Variants in XPO5 observed in about 807,000 individuals in gnomAD.
XPO5 encodes the protein exportin 5.
A neutral mutation model predicts 160.6 loss-of-function variants in XPO5; 46 were observed. That is an observed-to-expected ratio of 0.29 (90% CI 0.23 to 0.37). The LOEUF is 0.37. XPO5 is among the 10% of genes least tolerant of loss of function. The pLI is 1.00. For synonymous variants in XPO5, 537 were observed against 519.3 expected, an observed-to-expected ratio of 1.03 and a Z score of -0.46; for missense variants, 1,090 against 1,463.9, an observed-to-expected ratio of 0.74 and a Z score of 4.17.
intron 5 of XPO5, among the ~76,000 whole-genome samples, chr6:43,569,913 T>A (rs533924004): frequency 6.7e-6 from 1 of 149,346 alleles, no homozygotes; most frequent in Non-Finnish European, 1.5e-5. Context: ...CGAAACTCCA[T>A]CTCTACTAAA....
chr6:43,547,583 C>A, intron 19 of XPO5, 25 bp downstream of exon 19: 1 of 1,610,956 alleles, frequency 6.2e-7, no homozygotes, highest in Non-Finnish European at 8.5e-7. Flanking sequence ...GCCAATGCCA[C>A]TTCCCATTCC....
At position 43,572,537 on chromosome 6, in the gene XPO5, A is replaced by C; in HGVS notation, c.269T>G (p.Leu90Arg). The C allele has an allele frequency of 6.2e-7, 1 of 1,613,994 alleles. No homozygotes were observed. ...NGMSRLEKVY[L>R]KNSVMELIAN... is the part of the protein sequence containing the mutation. ...AATCAGCTCCATGACACTGTTCTTC[A>C]GATACACCTTCTCCAATCGAGACAT... The change falls in exon 3 of 32, where the codon CTG becomes CGG. Residue 90 changes from leucine (L) to arginine (R), a missense_variant. Leu to Arg is a moderately radical substitution (Grantham distance 102). This residue lies in a region of XPO5 where 170 missense variants were observed against 227.0 expected (regional missense o/e 0.75). Transcript: ENST00000265351.
Position 43,553,361 on chromosome 6 carries a change from A to G in XPO5, c.1572+12T>C, listed in dbSNP as rs1369273488. Reference sequence around the variant, plus strand: ...AATAATCATGCAGTCAGCATGGGAAATAATTACTTACTTCTCTATTTAGTG... The same window carrying G: ...AATAATCATGCAGTCAGCATGGGAAGTAATTACTTACTTCTCTATTTAGTG... On this transcript the variant is annotated intron_variant, in intron 14 of 31. Coordinates refer to ENST00000265351, the MANE Select transcript of XPO5 (RefSeq NM_020750.3). The G allele has an allele frequency of 6.2e-7, 1 of 1,603,870 alleles. No individual in the cohort carries two copies. Among genetic ancestry groups the G allele is most frequent in the Non-Finnish European group, 8.5e-7 (1 of 1,175,116 alleles).
intron 8 of XPO5, among the ~76,000 whole-genome samples, chr6:43,563,133 CT>C (rs1388023802): frequency 6.6e-6 from 1 of 150,994 alleles, no homozygotes; most frequent in Non-Finnish European, 1.5e-5. Flanking sequence ...AATATTTTTT[CT>C]TTTTTTTTGA....
intron 20 of XPO5, among the ~76,000 whole-genome samples, chr6:43,544,775 A>T (rs142155809): frequency 6.6e-6 from 1 of 152,286 alleles, no homozygotes; most frequent in East Asian, 1.9e-4. Context: ...GATAGAAATA[A>T]GCCTCTTCTT....
intron 20 of XPO5, among the ~76,000 whole-genome samples, chr6:43,538,368 C>T (rs1794483152): frequency 6.6e-6 from 1 of 151,814 alleles, no homozygotes. Flanking sequence ...CCAGGTTGGT[C>T]TCAAACTCTT....
In XPO5 at chr6:43,526,667, TCTCACAGG is replaced by T. The variant is rs1793613421; in HGVS notation, c.2983+10_2983+17del. ...GGAGGCTAAGAGCAGAACTCCAAGG[TCTCACAGG>T]CTCACTTACCGTCTCCATCTGCTGG... On this transcript the variant is annotated intron_variant, in intron 27 of 31. Transcript: ENST00000265351. The T allele has an allele frequency of 1.9e-6, 3 of 1,613,462 alleles. No individual in the cohort carries two copies. The highest frequency in any genetic ancestry group is 1.7e-5 in the Admixed American group (1 of 59,936).
Position 43,528,819 on chromosome 6 carries a change from A to C in XPO5, c.2775+9T>G, listed in dbSNP as rs765427694. The C allele has an allele frequency of 2.5e-6, 4 of 1,612,728 alleles. No individual in the cohort carries two copies. The highest frequency in any genetic ancestry group is 3.4e-6 in the Non-Finnish European group (4 of 1,179,072). ...ACTCTTTGCTTCCTGTTCCTGACTTATCTCTTACCATATGGAGGTAGGTGA... is the reference window on the plus strand; with the variant it reads ...ACTCTTTGCTTCCTGTTCCTGACTTCTCTCTTACCATATGGAGGTAGGTGA... On this transcript the variant is annotated intron_variant, in intron 24 of 31. Coordinates refer to ENST00000265351, the MANE Select transcript of XPO5 (RefSeq NM_020750.3).
At chr6:43,555,685 T>C in intron 13 of XPO5, 151 bp downstream of exon 13, 1 of 906,530 alleles carries the variant, frequency 1.1e-6, no homozygotes, top group Non-Finnish European at 1.5e-6. Context: ...TGTCAGCCAA[T>C]GAAAACGCTC....
intron 25 of XPO5, 79 bp from the exon 26 acceptor site, chr6:43,527,810 C>CT: frequency 6.8e-7 from 1 of 1,463,980 alleles, no homozygotes; most frequent in Non-Finnish European, 9.4e-7. Context: ...TAATCAGACT[C>CT]TCTCTGACCA....
At chr6:43,544,755 A>G (rs1457656688) in intron 20 of XPO5, among the ~76,000 whole-genome samples, 1 of 152,202 alleles carries the variant, frequency 6.6e-6, no homozygotes, top group Non-Finnish European at 1.5e-5. Flanking sequence ...TCTATTAATA[A>G]AAACATCACG....
intron 15 of XPO5, 53 bp from the exon 16 acceptor site, chr6:43,549,987 G>T (rs775960632): frequency 2.5e-6 from 4 of 1,578,510 alleles, no homozygotes; most frequent in Non-Finnish European, 3.5e-6. Context: ...TTAGAGATGA[G>T]ATCTTGCTAT....
Position 43,525,099 on chromosome 6 carries a change from A to C in XPO5, c.3174+8T>G, listed in dbSNP as rs1793484365. ...TGAGGGGCAGGGAAAAGGGGTGAATAACCATACTTGTTTGAGGAGAGGCCA... is the reference window on the plus strand; with the variant it reads ...TGAGGGGCAGGGAAAAGGGGTGAATCACCATACTTGTTTGAGGAGAGGCCA... On this transcript the variant is annotated splice_region_variant and intron_variant, in intron 29 of 31. Coordinates refer to ENST00000265351, the MANE Select transcript of XPO5 (RefSeq NM_020750.3). The C allele has an allele frequency of 6.4e-7, 1 of 1,570,846 alleles. No individual in the cohort carries two copies. Among genetic ancestry groups the C allele is most frequent in the Admixed American group, 1.9e-5 (1 of 52,734 alleles).
Position 43,565,745 on chromosome 6 carries a change from A to G in XPO5, c.835-9T>C. ...CGGTCTTCCAACTTGCCCTAGACCCAATTTTAGGGAAACATAGTCATATAA... is the reference window on the plus strand; with the variant it reads ...CGGTCTTCCAACTTGCCCTAGACCCGATTTTAGGGAAACATAGTCATATAA... On this transcript the variant is annotated splice_polypyrimidine_tract_variant and intron_variant, in intron 7 of 31. Coordinates refer to ENST00000265351, the MANE Select transcript of XPO5 (RefSeq NM_020750.3). 2 of 1,593,114 alleles carry G rather than the reference A, an allele frequency of 1.3e-6. No individual in the cohort carries two copies. The highest frequency in any genetic ancestry group is 1.7e-6 in the Non-Finnish European group (2 of 1,170,386).
In XPO5 at chr6:43,562,349, G is replaced by A. The variant is rs764481153; in HGVS notation, c.912-3C>T. 1.9e-6 allele frequency: 3 copies of A among 1,600,024 alleles called. No homozygotes were observed. In the South Asian group the frequency reaches 3.4e-5, roughly 18 times the overall value. Reference sequence around the variant, plus strand: ...CCAAACCTCCTCCATCAGCAGTCCTGTAAGATGAGAATTCCTTATATCACC... The same window carrying A: ...CCAAACCTCCTCCATCAGCAGTCCTATAAGATGAGAATTCCTTATATCACC... On this transcript the variant is annotated splice_polypyrimidine_tract_variant and splice_region_variant and intron_variant, in intron 8 of 31. Coordinates refer to ENST00000265351, the MANE Select transcript of XPO5 (RefSeq NM_020750.3).
intron 7 of XPO5, 94 bp from the exon 8 acceptor site, chr6:43,565,830 A>C: frequency 1.0e-6 from 1 of 960,498 alleles, no homozygotes; most frequent in Non-Finnish European, 1.5e-6. Flanking sequence ...TTGACTTCAT[A>C]ATTTCTTATA....
intron 5 of XPO5, among the ~76,000 whole-genome samples, chr6:43,569,437 A>G (rs1057245016): frequency 6.6e-6 from 1 of 152,040 alleles, no homozygotes; most frequent in Non-Finnish European, 1.5e-5. Flanking sequence ...GTTAACTTAC[A>G]AGCATACAAA....
Position 43,567,423 on chromosome 6 carries a change from T to C in XPO5, c.649-69A>G, listed in dbSNP as rs1762752274. The C allele has an allele frequency of 5.8e-6, 8 of 1,380,438 alleles. No individual in the cohort carries two copies. The South Asian group carries it at 6.3e-5, about 11-fold the overall frequency. The allele number at this position is 1,380,438 out of a possible 1,614,324, so 85.5% of individuals were successfully genotyped here. A position where few individuals can be genotyped will look rare whatever the true frequency, so the allele number is the denominator to read the frequency against. On this transcript the variant is annotated intron_variant, in intron 6 of 31. Coordinates refer to ENST00000265351, the MANE Select transcript of XPO5 (RefSeq NM_020750.3). ...CAGGTAAGGAATCAGTGGTTATAAC[T>C]GAACTCCCATTTTCTAATTCTAAGA...
chr6:43,570,770 A>G (rs993810840), intron 4 of XPO5, 86 bp from the exon 5 acceptor site: 4 of 1,536,976 alleles, frequency 2.6e-6, no homozygotes, highest in Non-Finnish European at 3.5e-6. Context: ...TTGCCAAAAA[A>G]AAAAACCCAC....
Sources: allele counts gnomAD v4.1 joint callset (sites outside exome capture counted in the v4.1 genomes callset), GRCh38; gene constraint gnomAD v4.1.1; regional missense constraint gnomAD v4.1.1; transcripts MANE v1.5; gene names NCBI Gene and HGNC (gene_info 2026-07-23, HGNC 2026-07-21).